ROBO1: variants seen among roughly 807,000 people sequenced by gnomAD.
ROBO1 encodes the protein roundabout homolog 1.
Under a neutral mutation model 195.9 loss-of-function variants are expected in ROBO1, and 149 were observed. The observed-to-expected ratio is 0.76, with a 90% CI of 0.67 to 0.87. The LOEUF (loss-of-function observed/expected upper bound fraction) is 0.87, where lower values mean the gene tolerates loss of function less well. ROBO1 is among the 40% of genes least tolerant of loss of function. ROBO1 has a pLI of 0.00. For missense variants in ROBO1, 1,933 were observed against 2,068.3 expected, an observed-to-expected ratio of 0.93 and a Z score of 1.27; for synonymous variants, 816 against 733.2, an observed-to-expected ratio of 1.11 and a Z score of -1.82.
At chr3:79,206,810 A>G (rs1576814208) in intron 2 of ROBO1, among the ~76,000 whole-genome samples, 1 of 152,192 alleles carries the variant, frequency 6.6e-6, no homozygotes, top group Non-Finnish European at 1.5e-5. Context: ...TGAATAAATA[A>G]ATTTGTTTTG....
chr3:79,085,131 A>G (rs1245348720), intron 3 of ROBO1, among the ~76,000 whole-genome samples: 1 of 152,180 alleles, frequency 6.6e-6, no homozygotes, highest in Non-Finnish European at 1.5e-5. Flanking sequence ...ATAACATAGT[A>G]CTAACAAAAG....
At chr3:79,219,591 T>C (rs1398485819) in intron 2 of ROBO1, among the ~76,000 whole-genome samples, 1 of 152,066 alleles carries the variant, frequency 6.6e-6, no homozygotes, top group African/African-American at 2.4e-5. Flanking sequence ...AGCACAATTA[T>C]CTGCTTGACC....
intron 4 of ROBO1, among the ~76,000 whole-genome samples, chr3:78,829,222 C>T (rs2031920402): frequency 1.3e-5 from 2 of 152,042 alleles, no homozygotes; most frequent in African/African-American, 2.4e-5. Flanking sequence ...GTGTCTGAAA[C>T]AGAGTGAGTC....
At chr3:79,049,505 C>G (rs1033876119) in intron 3 of ROBO1, among the ~76,000 whole-genome samples, 16 of 152,142 alleles carry the variant, frequency 1.1e-4, no homozygotes, top group African/African-American at 3.9e-4. Flanking sequence ...CTTCCCCAAC[C>G]TAGCAAGGCA....
chr3:79,222,694 T>C (rs2082161351), intron 2 of ROBO1, among the ~76,000 whole-genome samples: 1 of 152,048 alleles, frequency 6.6e-6, no homozygotes, highest in South Asian at 2.1e-4. Context: ...TTTTTAAATG[T>C]TGAGCATTAA....
intron 2 of ROBO1, among the ~76,000 whole-genome samples, chr3:79,272,424 C>T (rs2030648591): frequency 6.6e-6 from 1 of 151,976 alleles, no homozygotes; most frequent in South Asian, 2.1e-4. Context: ...ACTATCCACA[C>T]AGAAAAAAAC....
At chr3:78,608,361 C>G (rs914079139) in intron 28 of ROBO1, among the ~76,000 whole-genome samples, 2 of 152,118 alleles carry the variant, frequency 1.3e-5, no homozygotes, top group African/African-American at 4.8e-5. Context: ...CTACTTTGAT[C>G]TCCTAAAGCA....
At chr3:78,737,078 A>AG (rs1199031982) in intron 5 of ROBO1, among the ~76,000 whole-genome samples, 1 of 152,174 alleles carries the variant, frequency 6.6e-6, no homozygotes, top group African/African-American at 2.4e-5. Flanking sequence ...CCAGTTGATG[A>AG]TAGCATTGCC....
chr3:79,139,813 T>C (rs2080486829), intron 2 of ROBO1, among the ~76,000 whole-genome samples: 1 of 152,194 alleles, frequency 6.6e-6, no homozygotes, highest in Non-Finnish European at 1.5e-5. Flanking sequence ...TTTCTTTTAT[T>C]GTGCTTAGCA....
At position 78,989,822 on chromosome 3, in the gene ROBO1, A is replaced by G. The variant is rs147168959; in HGVS notation, c.173-50895T>C. Among the ~76,000 whole-genome samples, 1,147 of 152,232 alleles carry G rather than the reference A, an allele frequency of 7.5e-3. 12 individuals carry two copies. The highest frequency in any genetic ancestry group is 0.024 in the African/African-American group (986 of 41,558). On this transcript the variant is annotated intron_variant, in intron 3 of 30. Transcript: ENST00000464233. ...AAAAAACCCTATATACCATTGAAAA[A>G]AGATACTTCCATTGGACAGGAACAT...
intron 3 of ROBO1, among the ~76,000 whole-genome samples, chr3:79,075,639 T>G (rs1294765116): frequency 1.3e-5 from 2 of 151,764 alleles, no homozygotes; most frequent in Non-Finnish European, 2.9e-5. Flanking sequence ...CTAGAAGAAA[T>G]AGTCTCTATG....
At chr3:79,357,806 G>A (rs1424003698) in intron 2 of ROBO1, among the ~76,000 whole-genome samples, 1 of 152,124 alleles carries the variant, frequency 6.6e-6, no homozygotes, top group Non-Finnish European at 1.5e-5. Flanking sequence ...TTCTCTAGTT[G>A]TGGAGCCAGA....
At chr3:78,700,632 C>T (rs1003396611) in intron 8 of ROBO1, among the ~76,000 whole-genome samples, 1 of 152,142 alleles carries the variant, frequency 6.6e-6, no homozygotes, top group Non-Finnish European at 1.5e-5. Flanking sequence ...CCTTCAGCAG[C>T]TCTGTAAGGA....
intron 1 of ROBO1, among the ~76,000 whole-genome samples, chr3:79,742,347 A>G (rs1007736711): frequency 6.6e-6 from 1 of 152,218 alleles, no homozygotes; most frequent in Non-Finnish European, 1.5e-5. Context: ...GTCTCTGGAC[A>G]TAGCGTCCTG....
intron 1 of ROBO1, among the ~76,000 whole-genome samples, chr3:79,645,856 G>T (rs1324006247): frequency 1.3e-5 from 2 of 152,026 alleles, no homozygotes; most frequent in African/African-American, 4.8e-5. Context: ...AAGGTGCCAA[G>T]AACATACAAT....
chr3:79,683,510 A>G (rs1418855753), intron 1 of ROBO1, among the ~76,000 whole-genome samples: 1 of 152,100 alleles, frequency 6.6e-6, no homozygotes, highest in Non-Finnish European at 1.5e-5. Flanking sequence ...TATATTCACA[A>G]AGCTATGTAA....
At chr3:79,440,783 G>A (rs2039027187) in intron 2 of ROBO1, among the ~76,000 whole-genome samples, 1 of 152,082 alleles carries the variant, frequency 6.6e-6, no homozygotes, top group Admixed American at 6.6e-5. Context: ...TATAGACACT[G>A]TTTGAGGAAG....
chr3:78,904,990 T>C (rs534939249), intron 4 of ROBO1, among the ~76,000 whole-genome samples: 12 of 150,544 alleles, frequency 8.0e-5, no homozygotes, highest in Non-Finnish European at 1.5e-4. Context: ...TGTTGGTGGG[T>C]AACTTACTAT....
intron 2 of ROBO1, among the ~76,000 whole-genome samples, chr3:79,321,898 A>G (rs1281151108): frequency 2.0e-5 from 3 of 152,182 alleles, no homozygotes; most frequent in Non-Finnish European, 4.4e-5. Flanking sequence ...TTATTAGCTG[A>G]GGTAAGTAGT....
Sources: gnomAD v4.1 joint callset for allele counts (sites outside exome capture counted in the v4.1 genomes callset) on GRCh38, gnomAD v4.1.1 for gene constraint, MANE v1.5 for transcripts, NCBI Gene and HGNC (gene_info 2026-07-23, HGNC 2026-07-21) for gene names.